Variants in TMEM175 observed in about 807,000 individuals in gnomAD.
The protein encoded by TMEM175 is transmembrane protein 175, also known as endosomal/lysosomal proton channel TMEM175.
TMEM175 carries 36 observed loss-of-function variants against 36.5 expected under a neutral mutation model. The ratio of observed to expected loss-of-function variants is 0.99; its 90% CI spans 0.76 to 1.30. The LOEUF (loss-of-function observed/expected upper bound fraction) is 1.30, where lower values mean the gene tolerates loss of function less well. Among genes scored for constraint, TMEM175 ranks in the 50% most tolerant of loss-of-function variants. The pLI is 0.00. For synonymous variants in TMEM175, 339 were observed against 313.4 expected (o/e 1.08, Z -0.86); for missense variants, 705 against 692.8 (o/e 1.02, Z -0.20).
intron 1 of TMEM175, among the ~76,000 whole-genome samples, chr4:933,211 C>A (rs1348614564): frequency 6.6e-6 from 1 of 152,076 alleles, no homozygotes; most frequent in African/African-American, 2.4e-5. Context: ...TAGTTGCTAT[C>A]ATTTAAAGAC....
chr4:940,318 T>A (rs560702237), intron 1 of TMEM175, among the ~76,000 whole-genome samples: 1 of 151,806 alleles, frequency 6.6e-6, no homozygotes, highest in East Asian at 1.9e-4. Context: ...CGTGGTGGCA[T>A]GCGCCTGTAA....
chr4:952,986 A>G (rs901925248), intron 7 of TMEM175, among the ~76,000 whole-genome samples: 2 of 151,666 alleles, frequency 1.3e-5, no homozygotes, highest in South Asian at 2.1e-4. Flanking sequence ...CCTGTGCCCA[A>G]AGTGTCCCAG....
At chr4:949,215 C>T (rs752247098) in intron 3 of TMEM175, among the ~76,000 whole-genome samples, 6 of 152,156 alleles carry the variant, frequency 3.9e-5, no homozygotes, top group East Asian at 3.8e-4. Flanking sequence ...TGCCAGAGGG[C>T]GCATGACAAT....
At position 952,489 on chromosome 4, in the gene TMEM175, T is replaced by C. The variant is rs1259004902; in HGVS notation, c.462+39T>C. The C allele has an allele frequency of 3.8e-6, 5 of 1,311,532 alleles. No homozygotes were observed. The South Asian group carries it at 6.4e-5, about 17-fold the overall frequency. The allele number at this position is 1,311,532 out of a possible 1,614,324, so 81.2% of individuals were successfully genotyped here. A position where few individuals can be genotyped will look rare whatever the true frequency, so the allele number is the denominator to read the frequency against. On this transcript the variant is annotated intron_variant, in intron 7 of 10. Coordinates refer to ENST00000264771, the MANE Select transcript of TMEM175 (RefSeq NM_032326.4). ...GGGGCCTGCACTGTGTGTGTGTGTGTGTGTGTGTGTGTGTGTGTGTGTGTG... is the reference window on the plus strand; with the variant it reads ...GGGGCCTGCACTGTGTGTGTGTGTGCGTGTGTGTGTGTGTGTGTGTGTGTG...
intron 3 of TMEM175, chr4:948,731 T>C (rs1364960730): frequency 9.0e-7 from 1 of 1,112,726 alleles, no homozygotes; most frequent in Non-Finnish European, 1.1e-6. Context: ...CACACCTGCC[T>C]GGCTCTGTGT....
At chr4:940,045 G>A (rs1013148008) in intron 1 of TMEM175, among the ~76,000 whole-genome samples, 1 of 152,178 alleles carries the variant, frequency 6.6e-6, no homozygotes, top group Non-Finnish European at 1.5e-5. Context: ...AAGACTTGAA[G>A]GAACCTTAAA....
At chr4:956,049 A>G in intron 10 of TMEM175, 159 bp downstream of exon 10, 1 of 936,896 alleles carries the variant, frequency 1.1e-6, no homozygotes, top group Non-Finnish European at 1.5e-6. Context: ...CCCCCACTTC[A>G]GGGAGGACAA....
chr4:952,229 C>T (rs1728978926), intron 6 of TMEM175, 138 bp from the exon 7 acceptor site: 2 of 731,650 alleles, frequency 2.7e-6, no homozygotes, highest in African/African-American at 1.7e-5. Flanking sequence ...CAGCACCCAG[C>T]TGGCGCCATC....
At chr4:950,061 A>G (rs1163380448) in intron 3 of TMEM175, among the ~76,000 whole-genome samples, 1 of 152,118 alleles carries the variant, frequency 6.6e-6, no homozygotes, top group African/African-American at 2.4e-5. Context: ...CGGAGTCCAC[A>G]GCAGACACCG....
At chr4:950,577 A>G (rs1728742774) in intron 4 of TMEM175, 59 bp downstream of exon 4, 2 of 1,287,004 alleles carry the variant, frequency 1.6e-6, no homozygotes, top group African/African-American at 1.5e-5. Context: ...CGTACCCCGC[A>G]CCACATCACG....
In TMEM175 at chr4:957,962, CCACT is replaced by C; in HGVS notation, c.987_990del (p.Leu330SerfsTer14). ...CAGTGGGACTGCTGTGGTTCGCCCA[CCACT>C]CACTCTTCCTGCATGTGCGCAAGGC... On this transcript the variant is annotated frameshift_variant, in exon 11 of 11. Transcript: ENST00000264771. LOFTEE classifies it low-confidence loss of function (END_TRUNC). 2 of 1,612,924 alleles carry C rather than the reference CCACT, an allele frequency of 1.2e-6. No homozygotes were observed. Among genetic ancestry groups the C allele is most frequent in the African/African-American group, 1.3e-5 (1 of 75,078 alleles).
chr4:944,622 G>C (rs940870908), intron 1 of TMEM175, among the ~76,000 whole-genome samples: 1 of 152,186 alleles, frequency 6.6e-6, no homozygotes, highest in Non-Finnish European at 1.5e-5. Context: ...TAAGAAGATA[G>C]ATGGTTTTAT....
At chr4:937,710 A>G (rs1726951617) in intron 1 of TMEM175, among the ~76,000 whole-genome samples, 1 of 152,244 alleles carries the variant, frequency 6.6e-6, no homozygotes, top group Non-Finnish European at 1.5e-5. Flanking sequence ...CATTATTCTG[A>G]TACCAGAATT....
intron 1 of TMEM175, among the ~76,000 whole-genome samples, chr4:943,963 C>T (rs1001497090): frequency 3.9e-5 from 6 of 152,144 alleles, no homozygotes; most frequent in African/African-American, 1.4e-4. Context: ...CTCAAAACCT[C>T]TGGAGGGTGC....
chr4:942,047 C>T (rs1019084434), intron 1 of TMEM175, among the ~76,000 whole-genome samples: 6 of 149,528 alleles, frequency 4.0e-5, no homozygotes, highest in Non-Finnish European at 7.4e-5. Flanking sequence ...AGGTTGAGTC[C>T]GAATTCATTC....
Position 958,264 on chromosome 4 carries a change from G to A in TMEM175, c.1283G>A (p.Cys428Tyr), listed in dbSNP as rs370682212. 57 of 1,605,926 alleles carry A rather than the reference G, an allele frequency of 3.5e-5. No homozygotes were observed. The highest frequency in any genetic ancestry group is 4.7e-5 in the Non-Finnish European group (55 of 1,179,268). The change falls in exon 11 of 11, where the codon TGT becomes TAT. Residue 428 changes from cysteine to tyrosine, a missense_variant. Cys to Tyr is a radical substitution (Grantham distance 194, BLOSUM62 -2). Coordinates refer to ENST00000264771, the MANE Select transcript of TMEM175 (RefSeq NM_032326.4). ...TTCGCCAAGCTGGCGCTGTACCCCT[G>A]TGCCAGCCTGCTGGCCTTCGCCTCC... ...LMFAKLALYP[C>Y]ASLLAFASTC...
rs555243098 is a variant in TMEM175 at position 953,419 on chromosome 4, C to T, written c.627+65C>T. On this transcript the variant is annotated intron_variant, in intron 8 of 10. Transcript: ENST00000264771. The stretch of plus-strand genomic sequence containing the variant: ...GGGGCCACCATAGGAGCAATGTCCC[C>T]GCTGAGCAACAAACACGGGGGTGGG... 1.5e-4 allele frequency: 229 copies of T among 1,519,550 alleles called. 1 individual carries two copies. The highest frequency in any genetic ancestry group is 5.8e-4 in the East Asian group (25 of 43,438). 94.1% of individuals were successfully genotyped at this position (1,519,550 alleles called of 1,614,324 possible). A position where few individuals can be genotyped will look rare whatever the true frequency, so the allele number is the denominator to read the frequency against.
chr4:957,046 G>C (rs1004272044), intron 10 of TMEM175, among the ~76,000 whole-genome samples: 2 of 152,240 alleles, frequency 1.3e-5, no homozygotes, highest in African/African-American at 2.4e-5. Flanking sequence ...CTGCCGAAGA[G>C]AGGCAGCAGC....
At position 945,324 on chromosome 4, in the gene TMEM175, C is replaced by T. The variant is rs548311346; in HGVS notation, c.-31-2385C>T. Among the ~76,000 whole-genome samples, 5 of 152,198 alleles carry T rather than the reference C, an allele frequency of 3.3e-5. No homozygotes were observed. The South Asian group carries it at 1.0e-3, about 32-fold the overall frequency. On this transcript the variant is annotated intron_variant, in intron 1 of 10. Coordinates refer to ENST00000264771, the MANE Select transcript of TMEM175 (RefSeq NM_032326.4). ...CCGTCTCTGTCTCCTCACTCCCCGC[C>T]GTTTGTTGCTGCCTCAGCTTCTGTT...
Sources: allele counts gnomAD v4.1 joint callset (sites outside exome capture counted in the v4.1 genomes callset), GRCh38; gene constraint gnomAD v4.1.1; transcripts MANE v1.5; gene names NCBI Gene and HGNC (gene_info 2026-07-23, HGNC 2026-07-21).